Variants in SPMAP2 observed in about 807,000 individuals in gnomAD.
SPMAP2 encodes sperm microtubule associated protein 2.
chr19:370,410 C>T, the SPMAP2 span, among the ~76,000 whole-genome samples: 4 of 151,252 alleles, frequency 2.6e-5, no homozygotes, highest in African/African-American at 7.3e-5. Context: ...GGCGCGATCT[C>T]GGCTCACTGC....
the SPMAP2 span, among the ~76,000 whole-genome samples, chr19:365,434 C>T: frequency 6.6e-6 from 1 of 152,180 alleles, no homozygotes; most frequent in Non-Finnish European, 1.5e-5. Context: ...GTTTCCAGCA[C>T]TCCCGAGCAG....
At chr19:373,549 C>G in the SPMAP2 span, 22 of 1,612,092 alleles carry the variant, frequency 1.4e-5, no homozygotes, top group Non-Finnish European at 1.9e-5. Flanking sequence ...AAGCGGACGG[C>G]TCAGGGCAAG....
chr19:364,561 G>A, the SPMAP2 span, among the ~76,000 whole-genome samples: 1 of 151,464 alleles, frequency 6.6e-6, no homozygotes, highest in South Asian at 2.1e-4. Context: ...GGACTCAGGG[G>A]GCCACAGCCA....
chr19:372,691 C>G, the SPMAP2 span: 1 of 1,614,002 alleles, frequency 6.2e-7, no homozygotes, highest in South Asian at 1.1e-5. Context: ...CTCCACGCGG[C>G]GGGACACCGC....
chr19:361,949 G>A, the SPMAP2 span: 5 of 330,108 alleles, frequency 1.5e-5, no homozygotes, highest in African/African-American at 6.4e-5. Flanking sequence ...CGACGGTCCC[G>A]TGGGCCCTCA....
At chr19:370,494 A>T in the SPMAP2 span, among the ~76,000 whole-genome samples, 16 of 142,534 alleles carry the variant, frequency 1.1e-4, no homozygotes, top group Non-Finnish European at 2.0e-4. Context: ...GGCGCCCGCC[A>T]CCACCCCCGG....
the SPMAP2 span, among the ~76,000 whole-genome samples, chr19:367,570 A>C: frequency 5.3e-5 from 8 of 152,256 alleles, no homozygotes; most frequent in Admixed American, 2.6e-4. Flanking sequence ...ACAATGAAAA[A>C]GTCTGACATG....
the SPMAP2 span, chr19:367,207 C>T: frequency 6.3e-7 from 1 of 1,599,098 alleles, no homozygotes; most frequent in South Asian, 1.1e-5. Flanking sequence ...TTTGGGCTGC[C>T]CTGGATACCT....
the SPMAP2 span, chr19:371,227 A>T: frequency 1.3e-6 from 2 of 1,490,584 alleles, no homozygotes; most frequent in Non-Finnish European, 1.8e-6. Flanking sequence ...CATGCTCCAG[A>T]AGTTATCACG....
At chr19:368,475 G>A in the SPMAP2 span, among the ~76,000 whole-genome samples, 1 of 147,276 alleles carries the variant, frequency 6.8e-6, no homozygotes, top group Non-Finnish European at 1.5e-5. The surrounding 1 kb of genome is among the most constrained non-coding windows in gnomAD (Gnocchi z 4.1). Flanking sequence ...TGCCTCTGGG[G>A]AGGGAGGGAG....
At chr19:369,776 C>T in the SPMAP2 span, among the ~76,000 whole-genome samples, 1 of 152,288 alleles carries the variant, frequency 6.6e-6, no homozygotes, top group African/African-American at 2.4e-5. Context: ...GTTTTGCGGG[C>T]AGGGGTGGAT....
At chr19:375,990 C>A in the SPMAP2 span, 2 of 1,385,202 alleles carry the variant, frequency 1.4e-6, no homozygotes, top group East Asian at 5.4e-5. Flanking sequence ...CCTTCCCAGC[C>A]CCCGCGGCCT....
the SPMAP2 span, among the ~76,000 whole-genome samples, chr19:364,115 C>T: frequency 8.7e-3 from 1,307 of 150,992 alleles, 24 homozygotes; most frequent in African/African-American, 0.029. Context: ...GGGCGGATCA[C>T]AAGGTCAGGA....
chr19:368,131 T>C, the SPMAP2 span, among the ~76,000 whole-genome samples: 1 of 152,058 alleles, frequency 6.6e-6, no homozygotes, highest in Non-Finnish European at 1.5e-5. This position sits in a 1 kb window ranked among gnomAD's most constrained non-coding sequence, Gnocchi z 4.1. Flanking sequence ...GGCAGGATCA[T>C]GTGAGCTCGA....
chr19:369,789 C>G, the SPMAP2 span, among the ~76,000 whole-genome samples: 2 of 152,238 alleles, frequency 1.3e-5, no homozygotes, highest in Admixed American at 6.5e-5. Flanking sequence ...GGGTGGATCT[C>G]GCAAAGAACC....
chr19:365,165 C>T, the SPMAP2 span, among the ~76,000 whole-genome samples: 2 of 152,220 alleles, frequency 1.3e-5, no homozygotes, highest in Non-Finnish European at 2.9e-5. Context: ...CACACACACA[C>T]GTCGTGAATA....
the SPMAP2 span, chr19:374,034 C>G: frequency 6.2e-7 from 1 of 1,609,350 alleles, no homozygotes; most frequent in East Asian, 2.2e-5. Flanking sequence ...AGGGTCCGAG[C>G]CCCACTGCCT....
chr19:372,064 C>T, the SPMAP2 span, among the ~76,000 whole-genome samples: 5 of 152,166 alleles, frequency 3.3e-5, no homozygotes, highest in Admixed American at 6.5e-5. Flanking sequence ...TGCACAGAGG[C>T]GTGAGGACAG....
At chr19:373,671 TG>T in the SPMAP2 span, 702 of 493,046 alleles carry the variant, frequency 1.4e-3, 4 homozygotes, top group African/African-American at 0.017. Flanking sequence ...AGAAGGACAG[TG>T]GGGGGGCCGG....
Sources: gnomAD v4.1 joint callset for allele counts (sites outside exome capture counted in the v4.1 genomes callset) on GRCh38, gnomAD v4.1.1 for gene constraint, Gnocchi (gnomAD v3.1) non-coding constraint, MANE v1.5 for transcripts, NCBI Gene and HGNC (gene_info 2026-07-23, HGNC 2026-07-21) for gene names.